Variants in MEF2C observed in about 807,000 individuals in gnomAD.
MEF2C encodes the protein myocyte-specific enhancer factor 2C.
In MEF2C, 6 loss-of-function variants were observed where a neutral mutation model predicts 50.5. The ratio of observed to expected loss-of-function variants is 0.12; its 90% CI spans 0.07 to 0.23. The LOEUF is 0.23. MEF2C is among the 10% of genes least tolerant of loss of function. MEF2C has a pLI of 1.00. For synonymous variants in MEF2C, 183 were observed against 228.0 expected, an observed-to-expected ratio of 0.80 and a Z score of 1.78; for missense variants, 276 against 605.0, an observed-to-expected ratio of 0.46 and a Z score of 5.70.
At chr5:88,780,408 A>G (rs1438119002) in intron 3 of MEF2C, among the ~76,000 whole-genome samples, 1 of 152,170 alleles carries the variant, frequency 6.6e-6, no homozygotes, top group Non-Finnish European at 1.5e-5. Context: ...TTCGTCTTGA[A>G]AATCTTCAGA....
chr5:88,762,000 G>GAAAGA (rs1778087626), intron 3 of MEF2C: 1 of 152,202 alleles, frequency 6.6e-6, no homozygotes. Context: ...AACACAGGTG[G>GAAAGA]AAAGAAAAGT....
chr5:88,811,420 G>A (rs541604873), intron 2 of MEF2C, among the ~76,000 whole-genome samples: 2 of 152,254 alleles, frequency 1.3e-5, no homozygotes, highest in South Asian at 2.1e-4. Flanking sequence ...TTCACATAGA[G>A]CTGCATATCA....
intron 10 of MEF2C, among the ~76,000 whole-genome samples, chr5:88,725,347 C>T (rs1306044506): frequency 6.6e-6 from 1 of 152,040 alleles, no homozygotes; most frequent in Non-Finnish European, 1.5e-5. Flanking sequence ...ATCTTAGATT[C>T]AGCTTCATTA....
intron 1 of MEF2C, among the ~76,000 whole-genome samples, chr5:88,860,583 G>A (rs1825158536): frequency 6.6e-6 from 1 of 152,096 alleles, no homozygotes. Flanking sequence ...AGCCCAATGG[G>A]GTGGTCAGAT....
rs2067664 is a variant in MEF2C, at chr5:88,895,777, C to T, written c.-240+8139G>A. On this transcript the variant is annotated intron_variant, in intron 1 of 11. Transcript: ENST00000340208. Reference sequence around the variant, plus strand: ...CCTCTGGGCCTTCCACTGATGCGACCTACAAAGTCCTTTCATCCCTCAGCC... The same window carrying T: ...CCTCTGGGCCTTCCACTGATGCGACTTACAAAGTCCTTTCATCCCTCAGCC... Among the ~76,000 whole-genome samples, 19 of 152,106 alleles carry T rather than the reference C, an allele frequency of 1.2e-4. No homozygotes were observed. The East Asian group carries it at 3.7e-3, about 29-fold the overall frequency.
chr5:88,827,733 T>A (rs770525), intron 1 of MEF2C, among the ~76,000 whole-genome samples: 31,269 of 151,758 alleles, frequency 0.21, 3,486 homozygotes, highest in Middle Eastern at 0.31. Context: ...AAAGTCATCG[T>A]ACACAGTTAA....
intron 5 of MEF2C, 80 bp downstream of exon 5, chr5:88,751,777 C>T (rs1201985426): frequency 1.1e-5 from 15 of 1,427,270 alleles, no homozygotes; most frequent in South Asian, 1.3e-5. Flanking sequence ...GAAAACATCT[C>T]GTAGATAAAG....
chr5:88,730,435 A>G (rs1342675432), intron 7 of MEF2C, among the ~76,000 whole-genome samples: 1 of 152,152 alleles, frequency 6.6e-6, no homozygotes, highest in Non-Finnish European at 1.5e-5. Context: ...TGTGAAGACA[A>G]TCTACCCGGT....
At chr5:88,843,457 A>G (rs1818168058) in intron 1 of MEF2C, 1 of 985,000 alleles carries the variant, frequency 1.0e-6, no homozygotes, top group African/African-American at 1.7e-5. Context: ...GAGGCAGACC[A>G]ATTATTAGGC....
At chr5:88,748,845 G>T in intron 6 of MEF2C, 1 of 985,368 alleles carries the variant, frequency 1.0e-6, no homozygotes, top group Non-Finnish European at 1.2e-6. Flanking sequence ...CTGCTGACCA[G>T]TTGAAGCTTT....
chr5:88,843,535 C>T, intron 1 of MEF2C: 4 of 924,764 alleles, frequency 4.3e-6, no homozygotes, highest in Non-Finnish European at 5.2e-6. Flanking sequence ...AAGTTTTATA[C>T]CTTATTCATT....
intron 1 of MEF2C, among the ~76,000 whole-genome samples, chr5:88,890,845 A>G (rs1028659238): frequency 1.3e-5 from 2 of 152,172 alleles, no homozygotes; most frequent in African/African-American, 4.8e-5. Flanking sequence ...AGGCAAGAGA[A>G]ATCAGGCCCA....
chr5:88,884,222 C>T (rs1008729074), upstream of MEF2C: 1 of 152,196 alleles, frequency 6.6e-6, no homozygotes, highest in African/African-American at 2.4e-5. Context: ...TTCCTCTGAC[C>T]AATAGGAGCG....
At chr5:88,807,614 A>G (rs773753517) in intron 2 of MEF2C, among the ~76,000 whole-genome samples, 8 of 152,212 alleles carry the variant, frequency 5.3e-5, no homozygotes, top group Non-Finnish European at 8.8e-5. Flanking sequence ...GGCTGTTGTG[A>G]GGATTGTATC....
intron 2 of MEF2C, among the ~76,000 whole-genome samples, chr5:88,805,097 T>TA (rs994447864): frequency 4.5e-4 from 69 of 151,916 alleles, no homozygotes; most frequent in African/African-American, 1.5e-3. Context: ...AGTTAAGATT[T>TA]AAAAAAAAAT....
chr5:88,821,662 T>C (rs1808425457), intron 2 of MEF2C, among the ~76,000 whole-genome samples: 1 of 151,886 alleles, frequency 6.6e-6, no homozygotes, highest in African/African-American at 2.4e-5. Flanking sequence ...AGGACACATT[T>C]TGCATGTTCT....
At chr5:88,870,721 G>A (rs1048101479) in intron 1 of MEF2C, among the ~76,000 whole-genome samples, 3 of 151,898 alleles carry the variant, frequency 2.0e-5, no homozygotes, top group East Asian at 3.9e-4. Flanking sequence ...TATTGACTCC[G>A]GTTTTGGGTT....
In MEF2C at chr5:88,717,261, T is replaced by G. The variant is rs1169941305; in HGVS notation, c.*5343A>C. ...TTTGAACTCATCCCCTTCTGGGCCT[T>G]TCTCAATCCTGCCCACCTTCAAAAT... On this transcript the variant is annotated 3_prime_UTR_variant, in exon 11 of 11. Transcript: ENST00000504921. 6.6e-6 allele frequency: 1 copy of G among 152,198 alleles called. No homozygotes were observed. The highest frequency in any genetic ancestry group is 6.6e-5 in the Admixed American group (1 of 15,266). The allele number at this position is 152,198 out of a possible 1,614,324, so 9.4% of individuals were successfully genotyped here.
At chr5:88,779,537 G>A (rs1220561964) in intron 3 of MEF2C, among the ~76,000 whole-genome samples, 1 of 152,014 alleles carries the variant, frequency 6.6e-6, no homozygotes, top group African/African-American at 2.4e-5. Flanking sequence ...TGTATTTTGT[G>A]CTGGAAACTG....
Sources: gnomAD v4.1 joint callset for allele counts (sites outside exome capture counted in the v4.1 genomes callset) on GRCh38, gnomAD v4.1.1 for gene constraint, MANE v1.5 for transcripts, NCBI Gene and HGNC (gene_info 2026-07-23, HGNC 2026-07-21) for gene names.